Variants in PTPRZ1 observed in about 807,000 individuals in gnomAD.
The protein encoded by PTPRZ1 is receptor-type tyrosine-protein phosphatase zeta.
A neutral mutation model predicts 214.1 loss-of-function variants in PTPRZ1; 82 were observed. The ratio of observed to expected loss-of-function variants is 0.38; its 90% CI spans 0.32 to 0.46. The LOEUF is 0.46. PTPRZ1 is among the 20% of genes least tolerant of loss of function. The probability of loss-of-function intolerance (pLI) is 1.00; values close to 1 mark genes in which losing one functional copy is unlikely to be tolerated. For missense variants in PTPRZ1, 2,603 were observed against 2,748.7 expected (o/e 0.95, Z 1.19); for synonymous variants, 945 against 987.9 (o/e 0.96, Z 0.81).
Position 122,013,327 on chromosome 7 carries a change from TG to T in PTPRZ1, c.4282del (p.Asp1428MetfsTer28). The part of the protein sequence containing the change: ...DGDTDDDGDD[D>X]DDDRGSDGLS... Reference sequence around the variant, plus strand: ...GTGACACTGATGATGATGGTGATGATGATGATGATGACAGAGGTAGTGATGG... The same window carrying T: ...GTGACACTGATGATGATGGTGATGATATGATGATGACAGAGGTAGTGATGG... On this transcript the variant is annotated frameshift_variant, in exon 12 of 30. Transcript: ENST00000393386. LOFTEE classifies it high-confidence loss of function. The T allele has an allele frequency of 6.2e-7, 1 of 1,613,988 alleles. No individual in the cohort carries two copies. The highest frequency in any genetic ancestry group is 8.5e-7 in the Non-Finnish European group (1 of 1,179,932).
At chr7:122,059,068 G>A in intron 28 of PTPRZ1, 126 bp downstream of exon 28, 1 of 950,298 alleles carries the variant, frequency 1.1e-6, no homozygotes, top group South Asian at 2.5e-5. Context: ...TGGATTATCT[G>A]CATCTTATCA....
chr7:121,881,828 C>T (rs1794248509), intron 1 of PTPRZ1, among the ~76,000 whole-genome samples: 1 of 152,140 alleles, frequency 6.6e-6, no homozygotes, highest in Admixed American at 6.5e-5. Flanking sequence ...GATGGGGACT[C>T]CAAGTGACAT....
At chr7:121,883,967 C>T (rs908861788) in intron 1 of PTPRZ1, among the ~76,000 whole-genome samples, 17 of 152,236 alleles carry the variant, frequency 1.1e-4, no homozygotes, top group African/African-American at 3.6e-4. Flanking sequence ...GGATTGTTTA[C>T]TCTATGTCTC....
At chr7:121,888,650 A>G (rs185324209) in intron 1 of PTPRZ1, among the ~76,000 whole-genome samples, 19 of 152,270 alleles carry the variant, frequency 1.2e-4, no homozygotes, top group Admixed American at 1.2e-3. Context: ...ATATTGAATA[A>G]TAGGTGATTT....
chr7:122,033,490 TTTAC>T, intron 15 of PTPRZ1, among the ~76,000 whole-genome samples: 1 of 151,676 alleles, frequency 6.6e-6, no homozygotes. Flanking sequence ...ATAAATTTTC[TTTAC>T]TTACTGAAGT....
intron 12 of PTPRZ1, among the ~76,000 whole-genome samples, chr7:122,017,426 A>G (rs1032324899): frequency 1.3e-5 from 2 of 152,098 alleles, no homozygotes; most frequent in Non-Finnish European, 2.9e-5. Context: ...ATACAGTTTT[A>G]TGATTTTTAA....
At chr7:121,917,753 G>T (rs1348072372) in intron 1 of PTPRZ1, among the ~76,000 whole-genome samples, 2 of 151,858 alleles carry the variant, frequency 1.3e-5, no homozygotes, top group East Asian at 3.9e-4. Context: ...ACTTGTCCAA[G>T]GTCATCACTT....
At chr7:121,925,345 A>G (rs1297645987) in intron 1 of PTPRZ1, among the ~76,000 whole-genome samples, 2 of 152,246 alleles carry the variant, frequency 1.3e-5, no homozygotes, top group Non-Finnish European at 2.9e-5. Flanking sequence ...TGGAACAACC[A>G]TATTTGAAAA....
intron 2 of PTPRZ1, among the ~76,000 whole-genome samples, chr7:121,949,211 G>A (rs915296677): frequency 6.6e-6 from 1 of 152,148 alleles, no homozygotes; most frequent in Non-Finnish European, 1.5e-5. Context: ...ATTATTGTGA[G>A]TTTCTTATTA....
At chr7:122,019,625 TAAC>T (rs60621675) in intron 13 of PTPRZ1, among the ~76,000 whole-genome samples, 24,670 of 151,994 alleles carry the variant, frequency 0.16, 2,761 homozygotes, top group African/African-American at 0.32. Flanking sequence ...TTTTATATAA[TAAC>T]AAGTATTGTT....
chr7:121,951,959 A>AT (rs1167301850), intron 2 of PTPRZ1, among the ~76,000 whole-genome samples: 4 of 68,262 alleles, frequency 5.9e-5, no homozygotes, highest in Admixed American at 1.4e-4. Flanking sequence ...GTATTTATTT[A>AT]TTTATTTTTT....
At chr7:121,883,534 TACA>T (rs536646264) in intron 1 of PTPRZ1, among the ~76,000 whole-genome samples, 10 of 152,234 alleles carry the variant, frequency 6.6e-5, no homozygotes, top group Non-Finnish European at 1.5e-4. Flanking sequence ...GTAAATTGCT[TACA>T]ACTTGTATTT....
chr7:121,930,704 G>T (rs190156148), intron 2 of PTPRZ1, among the ~76,000 whole-genome samples: 1 of 151,906 alleles, frequency 6.6e-6, no homozygotes, highest in East Asian at 1.9e-4. Flanking sequence ...TACCAATTGG[G>T]TATATGTTTA....
chr7:121,981,585 A>G (rs1383198913), intron 6 of PTPRZ1, among the ~76,000 whole-genome samples: 1 of 152,200 alleles, frequency 6.6e-6, no homozygotes, highest in African/African-American at 2.4e-5. Flanking sequence ...CTAAATGACC[A>G]AGGTATTGCT....
intron 2 of PTPRZ1, among the ~76,000 whole-genome samples, chr7:121,959,454 G>A (rs920736395): frequency 7.2e-5 from 11 of 152,136 alleles, no homozygotes; most frequent in South Asian, 4.1e-4. Flanking sequence ...ACACAAAAAG[G>A]CACACTGATT....
At chr7:121,881,346 TA>T (rs1794232758) in intron 1 of PTPRZ1, among the ~76,000 whole-genome samples, 2 of 152,202 alleles carry the variant, frequency 1.3e-5, no homozygotes, top group African/African-American at 4.8e-5. Flanking sequence ...TATTTTGTTA[TA>T]GTAGCCCAAG....
intron 2 of PTPRZ1, among the ~76,000 whole-genome samples, chr7:121,960,208 T>G (rs534740798): frequency 6.6e-6 from 1 of 152,200 alleles, no homozygotes; most frequent in East Asian, 1.9e-4. Context: ...CTGGCTAATT[T>G]TTTTGTATTT....
chr7:122,011,864 T>G lies in PTPRZ1; in HGVS notation c.2818T>G (p.Phe940Val). The G allele has an allele frequency of 1.2e-6, 2 of 1,613,992 alleles. No homozygotes were observed. The highest frequency in any genetic ancestry group is 1.7e-6 in the Non-Finnish European group (2 of 1,179,842). The change falls in exon 12 of 30, where the codon TTC becomes GTC. Residue 940 changes from phenylalanine to valine, a missense_variant. Physicochemically the swap from Phe to Val is conservative, Grantham distance 50. This residue lies in a region of PTPRZ1 where 1,913 missense variants were observed against 1,914.3 expected (regional missense o/e 1.00). Transcript: ENST00000393386. ...TGATAATGAGGGCTCCCAACACATC[T>G]TCACTGTTTCTTACAGTTCTGCAAT... Reference protein sequence around the residue: ...LSDNEGSQHIFTVSYSSAIPV... With the variant: ...LSDNEGSQHIVTVSYSSAIPV...
chr7:122,011,416 T>C lies in PTPRZ1; in HGVS notation c.2370T>C (p.Ser790=), dbSNP rs1470786038. 1.2e-6 allele frequency: 2 copies of C among 1,614,188 alleles called. No homozygotes were observed. ...ILNTTPAASS[S]DSALHATPVF... Reference sequence around the variant, plus strand: ...ACACTACCCCTGCTGCTTCAAGTAGTGATTCGGCCTTGCATGCTACGCCTG... The same window carrying C: ...ACACTACCCCTGCTGCTTCAAGTAGCGATTCGGCCTTGCATGCTACGCCTG... The change falls in exon 12 of 30, where the codon AGT becomes AGC. Residue 790 remains serine (S), a synonymous_variant. Transcript: ENST00000393386.
Sources: allele counts gnomAD v4.1 joint callset (sites outside exome capture counted in the v4.1 genomes callset), GRCh38; gene constraint gnomAD v4.1.1; regional missense constraint gnomAD v4.1.1; transcripts MANE v1.5; gene names NCBI Gene and HGNC (gene_info 2026-07-23, HGNC 2026-07-21).